The following CCDC80 variants were observed in gnomAD, a reference collection of about 807,000 sequenced individuals.
CCDC80 encodes coiled-coil domain-containing protein 80.
A neutral mutation model predicts 78.7 loss-of-function variants in CCDC80; 49 were observed. That is an observed-to-expected ratio of 0.62 (90% confidence interval 0.50 to 0.79). The LOEUF (loss-of-function observed/expected upper bound fraction) is 0.79. CCDC80 is among the 30% of genes least tolerant of loss of function. The pLI, the probability that CCDC80 is intolerant of heterozygous loss-of-function variation, is 0.00. For missense variants in CCDC80, 1,205 were observed against 1,198.6 expected (o/e 1.01, Z -0.08); for synonymous variants, 488 against 447.0 (o/e 1.09, Z -1.16).
Position 112,616,729 on chromosome 3 carries a change from G to A in CCDC80, c.2302C>T (p.Leu768=). ...IVCKEDKKQS[L]ENFLSRFRWR... ...ATGTACCTGGATAGGAAGTTCTCCA[G>A]GGACTGCTTTTTGTCCTCTTTGCAA... The change falls in exon 5 of 8, where the codon CTG becomes TTG. Residue 768 remains leucine, a synonymous_variant. Coordinates refer to ENST00000206423, the MANE Select transcript of CCDC80 (RefSeq NM_199511.3). 6.2e-7 allele frequency: 1 copy of A among 1,614,130 alleles called. No homozygotes were observed. The highest frequency in any genetic ancestry group is 8.5e-7 in the Non-Finnish European group (1 of 1,179,998).
intron 5 of CCDC80, among the ~76,000 whole-genome samples, chr3:112,615,104 G>T (rs1012203669): frequency 6.6e-6 from 1 of 152,174 alleles, no homozygotes; most frequent in East Asian, 1.9e-4. Flanking sequence ...TTTGAGGCAG[G>T]TTAATTGAAA....
chr3:112,624,975 C>A (rs1233515644), intron 3 of CCDC80, among the ~76,000 whole-genome samples: 3 of 152,128 alleles, frequency 2.0e-5, no homozygotes, highest in Non-Finnish European at 4.4e-5. Flanking sequence ...TCCTGGACCT[C>A]ATTCCTAAAC....
At position 112,638,125 on chromosome 3, in the gene CCDC80, T is replaced by C. The variant is rs773322395; in HGVS notation, c.1781A>G (p.Asp594Gly). The change falls in exon 2 of 8, where the codon GAT becomes GGT. Residue 594 changes from aspartate (D) to glycine (G), a missense_variant. Physicochemically the swap from Asp to Gly is moderately conservative, Grantham distance 94 (BLOSUM62 -1). Transcript: ENST00000206423. ...KKKKGGKTEQ[D>G]GYQKPTNKHF... ...TTTGTTGGTGGGTTTCTGATAGCCA[T>C]CCTGTTCTGTTTTACCTCCTTTTTT... 6.2e-7 allele frequency: 1 copy of C among 1,614,182 alleles called. No individual in the cohort carries two copies. Among genetic ancestry groups the C allele is most frequent in the Non-Finnish European group, 8.5e-7 (1 of 1,180,034 alleles).
intron 6 of CCDC80, among the ~76,000 whole-genome samples, chr3:112,607,628 TA>T (rs952590085): frequency 2.0e-5 from 3 of 151,558 alleles, no homozygotes; most frequent in African/African-American, 7.3e-5. Context: ...CTACTAACAA[TA>T]AAAAAAATCA....
chr3:112,621,307 C>G (rs899285812), intron 3 of CCDC80, among the ~76,000 whole-genome samples: 1 of 152,176 alleles, frequency 6.6e-6, no homozygotes, highest in African/African-American at 2.4e-5. Flanking sequence ...ATGCCCACAC[C>G]AGCTTGCTGG....
At chr3:112,616,443 A>T (rs558177590) in intron 5 of CCDC80, among the ~76,000 whole-genome samples, 3 of 107,252 alleles carry the variant, frequency 2.8e-5, no homozygotes, top group Non-Finnish European at 6.0e-5. Flanking sequence ...AGAAAAAAAA[A>T]GAAAAGAAAA....
Position 112,631,906 on chromosome 3 carries a change from A to G in CCDC80, c.1879-1637T>C, listed in dbSNP as rs527465450. Among the ~76,000 whole-genome samples, 11 of 152,186 alleles carry G rather than the reference A, an allele frequency of 7.2e-5. No individual in the cohort carries two copies. In the South Asian group the frequency reaches 2.3e-3, roughly 32 times the overall value. On this transcript the variant is annotated intron_variant, in intron 2 of 7. Coordinates refer to ENST00000206423, the MANE Select transcript of CCDC80 (RefSeq NM_199511.3). ...TGTTTTGTTTTGTTTTGTTTTTCAG[A>G]TCATAATTAATTTTAAATAGACATG...
intron 6 of CCDC80, among the ~76,000 whole-genome samples, chr3:112,609,113 T>A (rs1308565717): frequency 1.4e-5 from 2 of 143,858 alleles, no homozygotes; most frequent in African/African-American, 5.9e-5. Context: ...GCCCAGTGAA[T>A]CTCTCAAAAT....
At chr3:112,617,044 A>G (rs74479782) in intron 4 of CCDC80, among the ~76,000 whole-genome samples, 186 bp from the exon 5 acceptor site, 3,843 of 152,290 alleles carry the variant, frequency 0.025, 83 homozygotes, top group Non-Finnish European at 0.04. Context: ...TGAGAGTTGG[A>G]GTCCATAAAA....
chr3:112,632,531 A>C (rs1164940881), intron 2 of CCDC80, among the ~76,000 whole-genome samples: 1 of 152,208 alleles, frequency 6.6e-6, no homozygotes, highest in Non-Finnish European at 1.5e-5. Flanking sequence ...ATCTGTGGAC[A>C]GATCACGGTA....
At chr3:112,622,379 A>G (rs1935883983) in intron 3 of CCDC80, among the ~76,000 whole-genome samples, 1 of 152,248 alleles carries the variant, frequency 6.6e-6, no homozygotes, top group Non-Finnish European at 1.5e-5. Flanking sequence ...TCAACACTGC[A>G]TCAGACTAGG....
At chr3:112,621,510 C>T (rs1935868011) in intron 3 of CCDC80, among the ~76,000 whole-genome samples, 1 of 152,202 alleles carries the variant, frequency 6.6e-6, no homozygotes, top group Non-Finnish European at 1.5e-5. Flanking sequence ...ACCCTAGAAA[C>T]TTGTCACTAA....
At position 112,638,740 on chromosome 3, in the gene CCDC80, G is replaced by A; in HGVS notation, c.1166C>T (p.Thr389Ile). 2 of 1,613,932 alleles carry A rather than the reference G, an allele frequency of 1.2e-6. No homozygotes were observed. Among genetic ancestry groups the A allele is most frequent in the Non-Finnish European group, 8.5e-7 (1 of 1,179,990 alleles). ...TAFPTTQRPW[T>I]PSPSHRPPTT... ...AGGGGGCCTGTGGGAGGGTGAGGGGGTCCAGGGCCTCTGCGTGGTGGGAAA... is the reference window on the plus strand; with the variant it reads ...AGGGGGCCTGTGGGAGGGTGAGGGGATCCAGGGCCTCTGCGTGGTGGGAAA... Residue 389 changes from threonine (T) to isoleucine (I), a missense_variant, in exon 2 of 8, where the codon ACC becomes ATC. Physicochemically the swap from Thr to Ile is moderately conservative, Grantham distance 89 (BLOSUM62 -1). Transcript: ENST00000206423.
At chr3:112,615,103 G>A (rs909659324) in intron 5 of CCDC80, among the ~76,000 whole-genome samples, 6 of 152,138 alleles carry the variant, frequency 3.9e-5, no homozygotes, top group African/African-American at 1.4e-4. Flanking sequence ...TTTTGAGGCA[G>A]GTTAATTGAA....
At chr3:112,610,641 A>G (rs950572660) in intron 5 of CCDC80, among the ~76,000 whole-genome samples, 6 of 152,236 alleles carry the variant, frequency 3.9e-5, no homozygotes, top group African/African-American at 1.4e-4. Flanking sequence ...TACCTTCCTC[A>G]GTAGCCAGTG....
chr3:112,608,153 TAGG>T (rs1935550880), intron 6 of CCDC80, among the ~76,000 whole-genome samples: 1 of 152,092 alleles, frequency 6.6e-6, no homozygotes, highest in Admixed American at 6.6e-5. Flanking sequence ...AGAAAGAAAA[TAGG>T]AGGACAAAGG....
At chr3:112,627,426 A>G (rs1291066971) in intron 3 of CCDC80, among the ~76,000 whole-genome samples, 1 of 152,254 alleles carries the variant, frequency 6.6e-6, no homozygotes, top group Non-Finnish European at 1.5e-5. Context: ...TGGCGTTTGT[A>G]GGTTCATCAG....
intron 4 of CCDC80, among the ~76,000 whole-genome samples, chr3:112,617,997 T>C (rs1935785711): frequency 6.6e-6 from 1 of 152,258 alleles, no homozygotes; most frequent in Non-Finnish European, 1.5e-5. Flanking sequence ...GACCTTGGGC[T>C]AGTTACTTAA....
rs755111430 is a variant in CCDC80, at chr3:112,639,329, C to A, written c.577G>T (p.Ala193Ser). ...CTCACCTTGCCTCCTTCCTCACCTG[C>A]CTGGTGGAAGAGCACAATCTGTTGG... ...HIQQIVLFHQ[A>S]GEEGGKVRRI... is the part of the protein sequence containing the mutation. Residue 193 changes from alanine (A) to serine (S), a missense_variant, in exon 2 of 8, where the codon GCA becomes TCA. Ala to Ser is a moderately conservative substitution (Grantham distance 99). Coordinates refer to ENST00000206423, the MANE Select transcript of CCDC80 (RefSeq NM_199511.3). 1.2e-6 allele frequency: 2 copies of A among 1,614,070 alleles called. No individual in the cohort carries two copies. Among genetic ancestry groups the A allele is most frequent in the Non-Finnish European group, 1.7e-6 (2 of 1,180,046 alleles).
Sources: gnomAD v4.1 joint callset for allele counts (sites outside exome capture counted in the v4.1 genomes callset) on GRCh38, gnomAD v4.1.1 for gene constraint, MANE v1.5 for transcripts, NCBI Gene and HGNC (gene_info 2026-07-23, HGNC 2026-07-21) for gene names.